PCDHGA4: variants seen among roughly 807,000 people sequenced by gnomAD.
PCDHGA4 encodes protocadherin gamma subfamily A, 4, also known as protocadherin gamma-A4.
A neutral mutation model predicts 54.6 loss-of-function variants in PCDHGA4; 38 were observed. The observed-to-expected ratio is 0.70, with a 90% CI of 0.54 to 0.91. The LOEUF is 0.91. Ranked by LOEUF, PCDHGA4 falls within the 40% of genes least tolerant of loss-of-function variation. The pLI, the probability that PCDHGA4 is intolerant of heterozygous loss-of-function variation, is 0.00. For missense variants in PCDHGA4, 1,298 were observed against 1,220.9 expected, an observed-to-expected ratio of 1.06 and a Z score of -0.94; for synonymous variants, 511 against 512.9, an observed-to-expected ratio of 1.00 and a Z score of 0.05.
intron 1 of PCDHGA4, chr5:141,414,202 G>A: frequency 6.2e-7 from 1 of 1,611,912 alleles, no homozygotes; most frequent in Non-Finnish European, 8.5e-7. Flanking sequence ...TACAGTAGAA[G>A]ATGTAAATGA....
chr5:141,417,550 A>G, intron 1 of PCDHGA4: 1 of 326,094 alleles, frequency 3.1e-6, no homozygotes, highest in Non-Finnish European at 5.5e-6. Flanking sequence ...ATTCCTTGAA[A>G]GAGGTAGAGA....
At chr5:141,371,594 C>T (rs1767874002) in intron 1 of PCDHGA4, 1 of 1,613,990 alleles carries the variant, frequency 6.2e-7, no homozygotes, top group Middle Eastern at 1.6e-4. Flanking sequence ...ATACCAAAAA[C>T]ACATACAGGT....
intron 1 of PCDHGA4, chr5:141,383,233 G>T: frequency 6.2e-7 from 1 of 1,613,972 alleles, no homozygotes. Flanking sequence ...CCTGATGGAA[G>T]ATAAAATGAA....
chr5:141,415,045 G>T, intron 1 of PCDHGA4: 1 of 1,613,538 alleles, frequency 6.2e-7, no homozygotes, highest in East Asian at 2.2e-5. Context: ...CTTCGCGGTG[G>T]GGGAGCACAC....
At chr5:141,446,669 C>T (rs554578186) in intron 1 of PCDHGA4, among the ~76,000 whole-genome samples, 2 of 152,182 alleles carry the variant, frequency 1.3e-5, no homozygotes, top group Admixed American at 1.3e-4. Flanking sequence ...TACAAGACAG[C>T]ATTTCACCAT....
chr5:141,411,765 T>A (rs796485295), intron 1 of PCDHGA4: 1 of 152,418 alleles, frequency 6.6e-6, no homozygotes, highest in South Asian at 2.1e-4. Context: ...GCCTGTGGTC[T>A]CAGCTACTCT....
intron 1 of PCDHGA4, chr5:141,393,184 T>C: frequency 6.2e-7 from 1 of 1,613,344 alleles, no homozygotes; most frequent in Non-Finnish European, 8.5e-7. Context: ...ATAGAAATAA[T>C]TGATATTAAC....
chr5:141,510,209 G>T (rs1294961681), intron 3 of PCDHGA4, among the ~76,000 whole-genome samples: 12 of 151,440 alleles, frequency 7.9e-5, no homozygotes, highest in African/African-American at 2.9e-4. Flanking sequence ...GGAGGCAGAG[G>T]TTGCAGTGAG....
In PCDHGA4 at chr5:141,476,584, C is replaced by A; in HGVS notation, c.2515-18223C>A. ...TGGCTCCGGGGACGCGCTTTCCGCTCGAGAGCGCGCACGATCCCGATGTGG... is the reference window on the plus strand; with the variant it reads ...TGGCTCCGGGGACGCGCTTTCCGCTAGAGAGCGCGCACGATCCCGATGTGG... On this transcript the variant is annotated intron_variant, in intron 1 of 3. Coordinates refer to ENST00000571252, the MANE Select transcript of PCDHGA4 (RefSeq NM_018917.4). This position sits in a 1 kb window ranked among gnomAD's most constrained non-coding sequence, Gnocchi z 7.6. The A allele has an allele frequency of 6.2e-7, 1 of 1,614,216 alleles. No homozygotes were observed. The highest frequency in any genetic ancestry group is 8.5e-7 in the Non-Finnish European group (1 of 1,180,042).
intron 1 of PCDHGA4, among the ~76,000 whole-genome samples, chr5:141,473,946 G>A (rs1399816546): frequency 6.6e-6 from 1 of 152,170 alleles, no homozygotes; most frequent in African/African-American, 2.4e-5. Context: ...GCTCAGGCCT[G>A]TAGTCCCATC....
At chr5:141,473,470 A>G (rs555568617) in intron 1 of PCDHGA4, among the ~76,000 whole-genome samples, 2 of 151,816 alleles carry the variant, frequency 1.3e-5, no homozygotes, top group South Asian at 4.2e-4. Flanking sequence ...AGTTGTGCCA[A>G]GTTCAATGGA....
At position 141,357,427 on chromosome 5, in the gene PCDHGA4, G is replaced by A. The variant is rs746353389; in HGVS notation, c.2320G>A (p.Val774Met). The A allele has an allele frequency of 6.8e-6, 11 of 1,614,110 alleles. No homozygotes were observed. Among genetic ancestry groups the A allele is most frequent in the East Asian group, 2.2e-5 (1 of 44,884 alleles). Residue 774 changes from valine (V) to methionine (M), a missense_variant, in exon 1 of 4, where the codon GTG becomes ATG. Val to Met is a conservative substitution (Grantham distance 21, BLOSUM62 1). Transcript: ENST00000571252. ...TGTGCCTGCCTCGCACTTTGTGGGCGTGGACGGGGTTCGGGCTTTCCTGCA... is the reference window on the plus strand; with the variant it reads ...TGTGCCTGCCTCGCACTTTGTGGGCATGGACGGGGTTCGGGCTTTCCTGCA... Reference protein sequence around the residue: ...AGVPASHFVGVDGVRAFLQTY... With the variant: ...AGVPASHFVGMDGVRAFLQTY...
intron 1 of PCDHGA4, among the ~76,000 whole-genome samples, chr5:141,380,452 A>G (rs939705980): frequency 9.9e-5 from 15 of 152,226 alleles, no homozygotes; most frequent in African/African-American, 3.6e-4. Flanking sequence ...TTTTTAATGC[A>G]ACCAAACAAA....
At chr5:141,420,887 G>C (rs2096530920) in intron 1 of PCDHGA4, among the ~76,000 whole-genome samples, 1 of 152,204 alleles carries the variant, frequency 6.6e-6, no homozygotes, top group African/African-American at 2.4e-5. Context: ...GTGTATCATC[G>C]TTTTTAAGCT....
intron 1 of PCDHGA4, among the ~76,000 whole-genome samples, chr5:141,381,121 T>C (rs1490532443): frequency 6.6e-6 from 1 of 152,260 alleles, no homozygotes; most frequent in East Asian, 1.9e-4. Context: ...TTCCCTGTAT[T>C]CTGGAGCAAT....
chr5:141,366,311 ACCGTTG>A (rs1051076797), intron 1 of PCDHGA4: 10 of 1,613,648 alleles, frequency 6.2e-6, no homozygotes, highest in Non-Finnish European at 6.8e-6. Flanking sequence ...CTTCACGGTC[ACCGTTG>A]CCGTGGCCGA....
At position 141,487,254 on chromosome 5, in the gene PCDHGA4, C is replaced by T. The variant is rs1341564301; in HGVS notation, c.2515-7553C>T. On this transcript the variant is annotated intron_variant, in intron 1 of 3. Coordinates refer to ENST00000571252, the MANE Select transcript of PCDHGA4 (RefSeq NM_018917.4). The surrounding 1 kb of genome is among the most constrained non-coding windows in gnomAD (Gnocchi z 5.0). Reference sequence around the variant, plus strand: ...GAATCTCGTCTAACCCTCTACTTGGCTGTGTCCCTAGTGGCAATTTGCTTT... The same window carrying T: ...GAATCTCGTCTAACCCTCTACTTGGTTGTGTCCCTAGTGGCAATTTGCTTT... The T allele has an allele frequency of 1.2e-6, 2 of 1,614,126 alleles. No homozygotes were observed. Among genetic ancestry groups the T allele is most frequent in the East Asian group, 4.5e-5 (2 of 44,860 alleles).
intron 1 of PCDHGA4, chr5:141,373,798 T>A: frequency 3.2e-6 from 1 of 315,426 alleles, no homozygotes; most frequent in Non-Finnish European, 5.8e-6. Context: ...AATAAAATCC[T>A]CTGTGTGATA....
rs1319222603 is a variant in PCDHGA4 at position 141,438,686 on chromosome 5, A to G, written c.2515-56121A>G. Among the ~76,000 whole-genome samples the G allele has an allele frequency of 2.8e-5, 4 of 140,922 alleles. No homozygotes were observed. The Admixed American group carries it at 2.9e-4, about 10-fold the overall frequency. 92.5% of individuals were successfully genotyped at this position (140,922 alleles called of 152,430 possible). On this transcript the variant is annotated intron_variant, in intron 1 of 3. Transcript: ENST00000571252. ...TATATATATTTGGAGTAGGGGATGGAGTCTTGCTCTGTCACCCAGGCTGGA... is the reference window on the plus strand; with the variant it reads ...TATATATATTTGGAGTAGGGGATGGGGTCTTGCTCTGTCACCCAGGCTGGA...
Sources: gnomAD v4.1 joint callset for allele counts (sites outside exome capture counted in the v4.1 genomes callset) on GRCh38, gnomAD v4.1.1 for gene constraint, Gnocchi (gnomAD v3.1) non-coding constraint, MANE v1.5 for transcripts, NCBI Gene and HGNC (gene_info 2026-07-23, HGNC 2026-07-21) for gene names.